FMN1: variants seen among roughly 807,000 people sequenced by gnomAD.
FMN1 encodes the protein formin 1.
In FMN1, 110 loss-of-function variants were observed where a neutral mutation model predicts 132.4. The observed-to-expected ratio is 0.83, with a 90% CI of 0.71 to 0.97. The LOEUF is 0.97. Among genes scored for constraint, FMN1 ranks in the 50% least tolerant of loss-of-function variants. FMN1 has a pLI of 0.00. For missense variants in FMN1, 1,792 were observed against 1,705.3 expected, an observed-to-expected ratio of 1.05 and a Z score of -0.90; for synonymous variants, 722 against 651.7, an observed-to-expected ratio of 1.11 and a Z score of -1.64.
At chr15:33,122,195 G>C (rs1962627536) in intron 4 of FMN1, among the ~76,000 whole-genome samples, 1 of 152,184 alleles carries the variant, frequency 6.6e-6, no homozygotes, top group African/African-American at 2.4e-5. Context: ...CTAAAAGATT[G>C]AAAACTCTGA....
intron 7 of FMN1, among the ~76,000 whole-genome samples, chr15:32,973,574 T>TCCC (rs1244811951): frequency 1.5e-4 from 22 of 142,678 alleles, no homozygotes; most frequent in Non-Finnish European, 2.3e-4. Flanking sequence ...TCTCTGCCCC[T>TCCC]CACCCCCCCC....
At chr15:33,089,684 C>A (rs1187411959) in intron 4 of FMN1, among the ~76,000 whole-genome samples, 1 of 152,110 alleles carries the variant, frequency 6.6e-6, no homozygotes, top group Non-Finnish European at 1.5e-5. Flanking sequence ...AACTGAAGTA[C>A]AAAGAAGTTA....
intron 11 of FMN1, among the ~76,000 whole-genome samples, chr15:32,908,905 C>G (rs2060492940): frequency 6.6e-6 from 1 of 152,212 alleles, no homozygotes; most frequent in South Asian, 2.1e-4. Context: ...AATCCCCCAT[C>G]TCTTCCTCTG....
chr15:33,024,290 A>G (rs1431483861), intron 6 of FMN1, among the ~76,000 whole-genome samples: 2 of 120,114 alleles, frequency 1.7e-5, no homozygotes, highest in African/African-American at 6.5e-5. Flanking sequence ...TCTGTCGCCC[A>G]GGCTGGAGTG....
intron 19 of FMN1, among the ~76,000 whole-genome samples, chr15:32,781,074 T>G (rs2056646505): frequency 6.6e-6 from 1 of 152,210 alleles, no homozygotes; most frequent in Non-Finnish European, 1.5e-5. Context: ...TTTTTAAACT[T>G]AAAATCTTAA....
rs369940028 is a variant in FMN1, at chr15:32,867,733, T to C, written c.3836-10626A>G. ...GTCTCAATCTCCTGACCTCGTGATC[T>C]GCCCGCCTCGGCCTCCCAAAGTGCT... On this transcript the variant is annotated intron_variant, in intron 16 of 20. Transcript: ENST00000616417. 2.7e-3 allele frequency among the ~76,000 whole-genome samples: 409 copies of C among 152,280 alleles called. 4 individuals are homozygous for C. The highest frequency in any genetic ancestry group is 8.9e-3 in the African/African-American group (371 of 41,568).
At chr15:33,077,440 G>A (rs1004592071) in intron 5 of FMN1, among the ~76,000 whole-genome samples, 6 of 150,036 alleles carry the variant, frequency 4.0e-5, no homozygotes, top group Middle Eastern at 3.5e-3. Context: ...ATGTATACAT[G>A]TGCCACGTTG....
intron 10 of FMN1, among the ~76,000 whole-genome samples, chr15:32,915,765 T>A (rs1254867286): frequency 6.6e-6 from 1 of 152,270 alleles, no homozygotes. Flanking sequence ...TCATTGCTAC[T>A]GCAATATCAA....
chr15:32,981,799 C>G (rs1275103481), intron 7 of FMN1, among the ~76,000 whole-genome samples: 2 of 152,032 alleles, frequency 1.3e-5, no homozygotes, highest in Non-Finnish European at 2.9e-5. Context: ...AACGTATACA[C>G]ATATCAAAAC....
intron 16 of FMN1, among the ~76,000 whole-genome samples, chr15:32,858,787 CCTTT>C (rs1567282260): frequency 3.3e-5 from 5 of 151,984 alleles, no homozygotes; most frequent in African/African-American, 2.4e-5. Flanking sequence ...ACATTTTTTT[CCTTT>C]CTTTGTAAGC....
At chr15:32,960,793 C>T (rs554281240) in intron 9 of FMN1, among the ~76,000 whole-genome samples, 9 of 151,860 alleles carry the variant, frequency 5.9e-5, no homozygotes, top group South Asian at 2.1e-4. Context: ...GTCAGAAGTT[C>T]GAGACCAACC....
chr15:32,853,403 A>T (rs935478441), intron 17 of FMN1, among the ~76,000 whole-genome samples: 1 of 152,108 alleles, frequency 6.6e-6, no homozygotes, highest in African/African-American at 2.4e-5. Flanking sequence ...TATGGCAGTA[A>T]TTTTTCTTTT....
chr15:32,879,571 C>T (rs544436426), intron 16 of FMN1, among the ~76,000 whole-genome samples: 4 of 152,150 alleles, frequency 2.6e-5, no homozygotes, highest in Non-Finnish European at 5.9e-5. Context: ...TAAGTACTAC[C>T]TCACACCTCC....
chr15:33,043,472 T>C lies in FMN1; in HGVS notation c.2161+21485A>G, dbSNP rs530080064. ...CTTGCCTTTTGCCGTCTATAACTCT[T>C]GTTCCACCATGTGGCTGCGCAAGAA... On this transcript the variant is annotated intron_variant, in intron 6 of 20. Coordinates refer to ENST00000616417, the MANE Select transcript of FMN1 (RefSeq NM_001277313.2). Among the ~76,000 whole-genome samples, 3 of 152,370 alleles carry C rather than the reference T, an allele frequency of 2.0e-5. No individual in the cohort carries two copies. In the South Asian group the frequency reaches 6.2e-4, roughly 32 times the overall value.
chr15:32,964,490 A>G (rs2030990594), intron 8 of FMN1, among the ~76,000 whole-genome samples: 12 of 152,244 alleles, frequency 7.9e-5, no homozygotes. Flanking sequence ...GTCATTAGCT[A>G]CGATCAAAGA....
intron 6 of FMN1, among the ~76,000 whole-genome samples, chr15:33,037,714 A>T (rs1356730917): frequency 6.6e-6 from 1 of 152,196 alleles, no homozygotes; most frequent in Non-Finnish European, 1.5e-5. Flanking sequence ...ACATTCCAGG[A>T]ATCTACATTT....
At chr15:32,980,181 C>T (rs1411311144) in intron 7 of FMN1, among the ~76,000 whole-genome samples, 1 of 147,546 alleles carries the variant, frequency 6.8e-6, no homozygotes, top group East Asian at 1.9e-4. Flanking sequence ...AGCCAAAAGG[C>T]ACACTCGTTA....
intron 12 of FMN1, among the ~76,000 whole-genome samples, chr15:32,904,550 T>G (rs1335681290): frequency 6.6e-6 from 1 of 152,056 alleles, no homozygotes; most frequent in Non-Finnish European, 1.5e-5. Flanking sequence ...AAGAGGGGCT[T>G]GCAGTGTGAA....
At chr15:32,881,586 A>G (rs756776700) in intron 16 of FMN1, among the ~76,000 whole-genome samples, 1 of 152,186 alleles carries the variant, frequency 6.6e-6, no homozygotes, top group Non-Finnish European at 1.5e-5. Flanking sequence ...TACTAGAACC[A>G]TATTGTTGTT....
Sources: gnomAD v4.1 joint callset for allele counts (sites outside exome capture counted in the v4.1 genomes callset) on GRCh38, gnomAD v4.1.1 for gene constraint, MANE v1.5 for transcripts, NCBI Gene and HGNC (gene_info 2026-07-23, HGNC 2026-07-21) for gene names.